Variants in SMARCA1 observed in about 807,000 individuals in gnomAD.
The protein encoded by SMARCA1 is SWI/SNF-related matrix-associated actin-dependent regulator of chromatin subfamily A member 1.
In SMARCA1, 17 loss-of-function variants were observed where a neutral mutation model predicts 93.6. The ratio of observed to expected loss-of-function variants is 0.18; its 90% CI spans 0.12 to 0.27. The LOEUF is 0.27. SMARCA1 is among the 10% of genes least tolerant of loss of function. The pLI, the probability that SMARCA1 is intolerant of heterozygous loss-of-function variation, is 1.00. For synonymous variants in SMARCA1, 271 were observed against 271.4 expected, an observed-to-expected ratio of 1.00 and a Z score of 0.01; for missense variants, 630 against 819.0, an observed-to-expected ratio of 0.77 and a Z score of 2.82.
intron 1 of SMARCA1, among the ~76,000 whole-genome samples, chrX:129,522,532 CG>C (rs1028330368): frequency 1.1e-4 from 1 of 9,472 alleles, no homozygotes; most frequent in Non-Finnish European, 2.3e-4. Flanking sequence ...TTTGGGGGGG[CG>C]GGGGGGTACG....
At chrX:129,504,252 TG>T (rs1329715602) in intron 9 of SMARCA1, among the ~76,000 whole-genome samples, 3 of 112,087 alleles carry the variant, frequency 2.7e-5, no homozygotes, top group Non-Finnish European at 3.8e-5. Context: ...CACTCCAGCC[TG>T]GCATACAATG....
chrX:129,469,160 T>G (rs1050217709), intron 20 of SMARCA1, among the ~76,000 whole-genome samples: 2 of 111,913 alleles, frequency 1.8e-5, no homozygotes, highest in Non-Finnish European at 3.8e-5. Context: ...TCATATTTTA[T>G]AGATGCCTAC....
At chrX:129,520,104 A>C (rs1341994324) in intron 1 of SMARCA1, among the ~76,000 whole-genome samples, 1 of 108,806 alleles carries the variant, frequency 9.2e-6, no homozygotes, top group Non-Finnish European at 1.9e-5. Flanking sequence ...CTTCCACAAC[A>C]AATTTTAAAA....
intron 6 of SMARCA1, among the ~76,000 whole-genome samples, chrX:129,510,784 A>G (rs1258137468): frequency 1.8e-5 from 2 of 111,980 alleles, no homozygotes; most frequent in African/African-American, 3.2e-5. Flanking sequence ...TTAGATAACA[A>G]TGGTGACCAG....
At chrX:129,452,213 T>A (rs1388931034) in intron 23 of SMARCA1, among the ~76,000 whole-genome samples, 16 of 112,555 alleles carry the variant, frequency 1.4e-4, no homozygotes, top group Non-Finnish European at 2.8e-4. Context: ...CTTTCATATA[T>A]TCTCCTAGAT....
chrX:129,487,830 C>T (rs1317988439), intron 16 of SMARCA1, among the ~76,000 whole-genome samples: 1 of 112,057 alleles, frequency 8.9e-6, no homozygotes, highest in African/African-American at 3.2e-5. Context: ...ATTTACGACA[C>T]AATTGTAAAT....
At chrX:129,461,234 AG>A (rs1932801006) in intron 23 of SMARCA1, among the ~76,000 whole-genome samples, 1 of 111,996 alleles carries the variant, frequency 8.9e-6, no homozygotes, top group Non-Finnish European at 1.9e-5. Context: ...ATCTCCCCAG[AG>A]GTTAAAAGGT....
At chrX:129,452,696 A>T (rs1932368910) in intron 23 of SMARCA1, among the ~76,000 whole-genome samples, 1 of 112,152 alleles carries the variant, frequency 8.9e-6, no homozygotes, top group Admixed American at 9.5e-5. Flanking sequence ...CGTTTGGTAG[A>T]AATCAACTTG....
At chrX:129,513,741 A>C (rs1602733475) in intron 5 of SMARCA1, among the ~76,000 whole-genome samples, 1 of 109,470 alleles carries the variant, frequency 9.1e-6, no homozygotes, top group Admixed American at 9.9e-5. Flanking sequence ...TCCCCCTCTG[A>C]GCTGACAACA....
chrX:129,523,467 G>T lies in SMARCA1; in HGVS notation c.-97C>A. 1.4e-6 allele frequency: 1 copy of T among 699,467 alleles called. No individual in the cohort carries two copies. The highest frequency in any genetic ancestry group is 2.0e-6 in the Non-Finnish European group (1 of 487,928). 57.6% of individuals were successfully genotyped at this position (699,467 alleles called of 1,213,427 possible). On this transcript the variant is annotated 5_prime_UTR_variant, in exon 1 of 25. Coordinates refer to ENST00000371121, the MANE Select transcript of SMARCA1 (RefSeq NM_001282874.2). ...CTGGAAAGAGCTAGATGGAGCAGGG[G>T]TGGGGAATCACTCCGCTTCCAACCC...
At chrX:129,481,783 G>A (rs1476164386) in intron 17 of SMARCA1, among the ~76,000 whole-genome samples, 1 of 111,415 alleles carries the variant, frequency 9.0e-6, no homozygotes, top group African/African-American at 3.3e-5. Flanking sequence ...CGATTCCTCA[G>A]GGATCTAGAA....
intron 8 of SMARCA1, 149 bp downstream of exon 8, chrX:129,505,931 C>A: frequency 2.2e-6 from 1 of 453,714 alleles, no homozygotes; most frequent in Non-Finnish European, 3.9e-6. Context: ...TTTTAAAACT[C>A]TATTAAAGAA....
At chrX:129,500,137 A>AG (rs1556310904) in intron 9 of SMARCA1, among the ~76,000 whole-genome samples, 10 of 109,624 alleles carry the variant, frequency 9.1e-5, no homozygotes, top group East Asian at 5.8e-4. Flanking sequence ...AAAAAAAAAA[A>AG]AAGAAGCTGC....
intron 21 of SMARCA1, among the ~76,000 whole-genome samples, chrX:129,466,208 C>T (rs1341245324): frequency 1.8e-5 from 2 of 111,394 alleles, no homozygotes; most frequent in Non-Finnish European, 3.8e-5. Flanking sequence ...CGGAGTCTTA[C>T]GATCCATCCC....
chrX:129,462,011 G>C (rs1441697271), intron 23 of SMARCA1, among the ~76,000 whole-genome samples: 2 of 111,811 alleles, frequency 1.8e-5, no homozygotes, highest in Non-Finnish European at 3.8e-5. Context: ...TTTAGAAGCG[G>C]AAGTTCGTGC....
At chrX:129,499,045 CT>C (rs35021103) in intron 10 of SMARCA1, among the ~76,000 whole-genome samples, 8 of 105,318 alleles carry the variant, frequency 7.6e-5, no homozygotes, top group South Asian at 4.2e-4. Context: ...AGCAAGAATG[CT>C]TTTTTTTTTG....
At chrX:129,476,242 C>T (rs1933378818) in intron 19 of SMARCA1, among the ~76,000 whole-genome samples, 1 of 112,099 alleles carries the variant, frequency 8.9e-6, no homozygotes, top group African/African-American at 3.2e-5. Flanking sequence ...GCTTAGATAG[C>T]AGCAAGAATG....
intron 23 of SMARCA1, among the ~76,000 whole-genome samples, chrX:129,449,708 A>G (rs889101923): frequency 3.6e-5 from 4 of 111,752 alleles, no homozygotes; most frequent in Non-Finnish European, 7.5e-5. Context: ...TTTTCTGTAT[A>G]AGCAAAAATG....
chrX:129,451,001 C>G (rs926171686), intron 23 of SMARCA1, among the ~76,000 whole-genome samples: 3 of 111,522 alleles, frequency 2.7e-5, no homozygotes, highest in Non-Finnish European at 3.8e-5. Flanking sequence ...CAAAAGGAGG[C>G]AGAAAACCAG....
Sources: allele counts gnomAD v4.1 joint callset (sites outside exome capture counted in the v4.1 genomes callset), GRCh38; gene constraint gnomAD v4.1.1; transcripts MANE v1.5; gene names NCBI Gene and HGNC (gene_info 2026-07-23, HGNC 2026-07-21).